VSNL1: variants seen among roughly 807,000 people sequenced by gnomAD.
VSNL1 encodes visinin like 1.
In VSNL1, 6 loss-of-function variants were observed where a neutral mutation model predicts 20.4. That is an observed-to-expected ratio of 0.29 (90% CI 0.16 to 0.58). The LOEUF (loss-of-function observed/expected upper bound fraction) is 0.58, where lower values mean the gene tolerates loss of function less well. Among genes scored for constraint, VSNL1 ranks in the 20% least tolerant of loss-of-function variants. The pLI is 0.90. For synonymous variants in VSNL1, 93 were observed against 86.4 expected, an observed-to-expected ratio of 1.08 and a Z score of -0.42; for missense variants, 100 against 234.5, an observed-to-expected ratio of 0.43 and a Z score of 3.75.
intron 2 of VSNL1, among the ~76,000 whole-genome samples, chr2:17,624,067 T>G (rs758550598): frequency 3.3e-5 from 5 of 152,148 alleles, no homozygotes; most frequent in Non-Finnish European, 5.9e-5. Context: ...CACATTATGG[T>G]GAATTATCAT....
At chr2:17,650,489 T>C (rs539745435) in intron 3 of VSNL1, among the ~76,000 whole-genome samples, 2 of 152,290 alleles carry the variant, frequency 1.3e-5, no homozygotes, top group African/African-American at 2.4e-5. Flanking sequence ...AGCAGATGCA[T>C]GGTTCGGTAG....
chr2:17,590,461 G>A (rs1258022694), intron 1 of VSNL1, among the ~76,000 whole-genome samples: 1 of 152,104 alleles, frequency 6.6e-6, no homozygotes, highest in Non-Finnish European at 1.5e-5. Flanking sequence ...TGAATTCAGA[G>A]CAAAAATAAG....
At chr2:17,548,534 A>G (rs2103336975) in intron 1 of VSNL1, among the ~76,000 whole-genome samples, 1 of 152,264 alleles carries the variant, frequency 6.6e-6, no homozygotes, top group Non-Finnish European at 1.5e-5. Context: ...TAATGTAGTT[A>G]TCTTATATGA....
At chr2:17,610,423 T>G (rs929743720) in intron 2 of VSNL1, among the ~76,000 whole-genome samples, 5 of 152,008 alleles carry the variant, frequency 3.3e-5, no homozygotes, top group Non-Finnish European at 7.4e-5. Flanking sequence ...GGAAGGCCTC[T>G]CAGAAGAAAT....
chr2:17,626,297 G>A (rs937144365), intron 2 of VSNL1, among the ~76,000 whole-genome samples: 7 of 152,174 alleles, frequency 4.6e-5, no homozygotes, highest in African/African-American at 4.8e-5. Context: ...CACAGGCCAC[G>A]TTCCCCTGAG....
intron 1 of VSNL1, among the ~76,000 whole-genome samples, chr2:17,542,988 T>A (rs949990274): frequency 5.3e-5 from 8 of 152,172 alleles, no homozygotes; most frequent in Admixed American, 2.0e-4. Flanking sequence ...TGGAAATGTT[T>A]CCTTCTCTCT....
At chr2:17,644,473 T>C (rs1436291258) in intron 2 of VSNL1, among the ~76,000 whole-genome samples, 3 of 152,014 alleles carry the variant, frequency 2.0e-5, no homozygotes, top group Non-Finnish European at 4.4e-5. Context: ...TGAGATACAG[T>C]GTAGCCAAGG....
chr2:17,618,053 AG>A (rs1347539290), intron 2 of VSNL1, among the ~76,000 whole-genome samples: 2 of 152,188 alleles, frequency 1.3e-5, no homozygotes, highest in Non-Finnish European at 2.9e-5. Context: ...GGATAAGGGA[AG>A]TGTGAGAGGA....
At chr2:17,615,831 T>C (rs893223789) in intron 2 of VSNL1, among the ~76,000 whole-genome samples, 1 of 152,190 alleles carries the variant, frequency 6.6e-6, no homozygotes, top group Non-Finnish European at 1.5e-5. Context: ...TTCCAAAAAG[T>C]GCCTTCTACC....
chr2:17,633,437 T>C (rs903584837), intron 2 of VSNL1, among the ~76,000 whole-genome samples: 1 of 149,994 alleles, frequency 6.7e-6, no homozygotes, highest in South Asian at 2.1e-4. Flanking sequence ...AAGAATTGCT[T>C]GAACCTGAGA....
chr2:17,596,633 C>T (rs1325299692), intron 2 of VSNL1, among the ~76,000 whole-genome samples: 1 of 152,090 alleles, frequency 6.6e-6, no homozygotes, highest in Admixed American at 6.5e-5. Flanking sequence ...CTGCAAAGAG[C>T]CCTAAGTGGA....
intron 1 of VSNL1, among the ~76,000 whole-genome samples, chr2:17,566,768 G>A (rs1447648882): frequency 3.3e-5 from 5 of 152,076 alleles, no homozygotes; most frequent in African/African-American, 9.7e-5. Context: ...GTTAAGTTTG[G>A]GTTTTAATCT....
intron 1 of VSNL1, among the ~76,000 whole-genome samples, chr2:17,564,134 G>A (rs1663880783): frequency 6.6e-6 from 1 of 152,060 alleles, no homozygotes; most frequent in African/African-American, 2.4e-5. Context: ...GGAAAACAAG[G>A]CTTTCTTTTA....
intron 1 of VSNL1, among the ~76,000 whole-genome samples, chr2:17,564,142 T>G (rs1346849072): frequency 2.6e-5 from 4 of 152,208 alleles, no homozygotes; most frequent in African/African-American, 9.7e-5. Flanking sequence ...AGGCTTTCTT[T>G]TATTTGTTCT....
At chr2:17,581,192 C>T (rs753171550) in intron 1 of VSNL1, among the ~76,000 whole-genome samples, 19 of 152,282 alleles carry the variant, frequency 1.2e-4, no homozygotes, top group Non-Finnish European at 2.2e-4. Flanking sequence ...TCAATATCAA[C>T]ATTTTTTATA....
chr2:17,577,650 C>T (rs1664248629), intron 1 of VSNL1, among the ~76,000 whole-genome samples: 1 of 152,082 alleles, frequency 6.6e-6, no homozygotes, highest in African/African-American at 2.4e-5. Context: ...ATTTAGCATC[C>T]AAGTCCTCTC....
At chr2:17,627,098 G>A (rs139033997) in intron 2 of VSNL1, among the ~76,000 whole-genome samples, 5 of 152,268 alleles carry the variant, frequency 3.3e-5, no homozygotes, top group East Asian at 1.9e-4. Flanking sequence ...GCAAATCCAC[G>A]CCAAGGAGAC....
intron 1 of VSNL1, among the ~76,000 whole-genome samples, chr2:17,547,460 C>T (rs113529928): frequency 3.9e-5 from 6 of 152,206 alleles, no homozygotes; most frequent in African/African-American, 1.4e-4. Flanking sequence ...GTTTACGGTG[C>T]TTACCCTACC....
At chr2:17,635,517 C>T (rs1371762873) in intron 2 of VSNL1, among the ~76,000 whole-genome samples, 4 of 152,182 alleles carry the variant, frequency 2.6e-5, no homozygotes, top group Non-Finnish European at 5.9e-5. Context: ...AGTTCTACCT[C>T]TCATGTAGCG....
Sources: allele counts gnomAD v4.1 joint callset (sites outside exome capture counted in the v4.1 genomes callset), GRCh38; gene constraint gnomAD v4.1.1; transcripts MANE v1.5; gene names NCBI Gene and HGNC (gene_info 2026-07-23, HGNC 2026-07-21).